MYO9A: variants seen among roughly 807,000 people sequenced by gnomAD.
MYO9A encodes myosin IXA, also known as unconventional myosin-IXa.
MYO9A carries 103 observed loss-of-function variants against 293.3 expected under a neutral mutation model. That is an observed-to-expected ratio of 0.35 (90% CI 0.30 to 0.41). MYO9A has a LOEUF of 0.41. Among genes scored for constraint, MYO9A ranks in the 10% least tolerant of loss-of-function variants. MYO9A has a pLI of 1.00. For synonymous variants in MYO9A, 1,001 were observed against 1,035.7 expected, an observed-to-expected ratio of 0.97 and a Z score of 0.64; for missense variants, 2,685 against 3,033.0, an observed-to-expected ratio of 0.89 and a Z score of 2.69.
At chr15:72,089,092 A>C (rs577254449) in intron 1 of MYO9A, among the ~76,000 whole-genome samples, 1 of 152,352 alleles carries the variant, frequency 6.6e-6, no homozygotes, top group East Asian at 1.9e-4. Flanking sequence ...CTAAGTTAAC[A>C]CTTCAAAATA....
At chr15:72,014,770 GAGAAAGAAAGAAA>G (rs1566950429) in intron 6 of MYO9A, among the ~76,000 whole-genome samples, 1 of 146,742 alleles carries the variant, frequency 6.8e-6, no homozygotes, top group African/African-American at 2.5e-5. Context: ...AAGAAAGAAA[GAGAAAGAAAGAAA>G]AGAAAGAAGG....
chr15:71,925,680 C>A (rs967565835), intron 18 of MYO9A, among the ~76,000 whole-genome samples: 2 of 152,140 alleles, frequency 1.3e-5, no homozygotes, highest in Non-Finnish European at 2.9e-5. Flanking sequence ...CCCATCCCCC[C>A]ACAATTTATA....
chr15:71,917,040 C>T (rs2058030296), intron 18 of MYO9A, among the ~76,000 whole-genome samples: 1 of 152,216 alleles, frequency 6.6e-6, no homozygotes, highest in Admixed American at 6.5e-5. Flanking sequence ...CTGACAGCTT[C>T]CTGATTTCCT....
At chr15:72,085,324 C>T (rs1461265676) in intron 1 of MYO9A, among the ~76,000 whole-genome samples, 1 of 150,446 alleles carries the variant, frequency 6.6e-6, no homozygotes, top group Non-Finnish European at 1.5e-5. Context: ...ACCCAGGAGG[C>T]AAATGTTGCA....
chr15:72,018,946 G>A, intron 6 of MYO9A, 93 bp downstream of exon 6: 1 of 941,632 alleles, frequency 1.1e-6, no homozygotes, highest in Non-Finnish European at 1.7e-6. Context: ...TTGTATTTCA[G>A]CTGATTTGCA....
At chr15:71,932,744 A>G (rs2058512559) in intron 18 of MYO9A, among the ~76,000 whole-genome samples, 1 of 152,096 alleles carries the variant, frequency 6.6e-6, no homozygotes, top group Admixed American at 6.6e-5. Flanking sequence ...ACTGCAATTC[A>G]TATTTTCTAA....
At chr15:71,900,197 G>A (rs893821574) in intron 23 of MYO9A, among the ~76,000 whole-genome samples, 191 bp from the exon 24 acceptor site, 1 of 152,166 alleles carries the variant, frequency 6.6e-6, no homozygotes, top group Non-Finnish European at 1.5e-5. Context: ...CACTTTTGGA[G>A]GCTAAGGCAG....
At chr15:72,037,621 G>A (rs2078096001) in intron 2 of MYO9A, among the ~76,000 whole-genome samples, 1 of 152,052 alleles carries the variant, frequency 6.6e-6, no homozygotes, top group Non-Finnish European at 1.5e-5. Flanking sequence ...CTATAACTGA[G>A]TACAGTTTTT....
intron 39 of MYO9A, among the ~76,000 whole-genome samples, chr15:71,838,219 T>C (rs979896863): frequency 6.6e-6 from 1 of 152,140 alleles, no homozygotes; most frequent in Non-Finnish European, 1.5e-5. Context: ...CTTCTCTTTA[T>C]TAAGGAAAAT....
At chr15:71,958,164 C>T (rs998503055) in intron 14 of MYO9A, among the ~76,000 whole-genome samples, 3 of 152,154 alleles carry the variant, frequency 2.0e-5, no homozygotes, top group Non-Finnish European at 4.4e-5. Context: ...TAGAATTGGT[C>T]ACCTCACCTT....
intron 11 of MYO9A, among the ~76,000 whole-genome samples, chr15:71,990,367 G>A (rs938802961): frequency 1.3e-5 from 2 of 152,014 alleles, no homozygotes; most frequent in African/African-American, 4.8e-5. Flanking sequence ...TTGTCAGCTT[G>A]AGCCACCATG....
chr15:72,103,238 AAGCAGC>A lies in MYO9A; in HGVS notation c.-72+14436_-72+14441del, dbSNP rs1490563659. ...GCAGCAGAAGCAGAAGCAGCAGCAG[AAGCAGC>A]AGCAGCAGAAGGAGAAGCAGAGGCA... On this transcript the variant is annotated intron_variant, in intron 1 of 41. Transcript: ENST00000356056. Among the ~76,000 whole-genome samples, 4 of 150,518 alleles carry A rather than the reference AAGCAGC, an allele frequency of 2.7e-5. No individual in the cohort carries two copies. The East Asian group carries it at 7.9e-4, about 30-fold the overall frequency.
intron 13 of MYO9A, among the ~76,000 whole-genome samples, chr15:71,961,383 TG>T (rs1353153147): frequency 2.0e-5 from 3 of 152,148 alleles, no homozygotes; most frequent in African/African-American, 7.2e-5. Flanking sequence ...GGATAAGAAA[TG>T]AAGACCAAGA....
At chr15:72,106,907 T>C (rs1275273023) in intron 1 of MYO9A, among the ~76,000 whole-genome samples, 1 of 152,246 alleles carries the variant, frequency 6.6e-6, no homozygotes, top group Non-Finnish European at 1.5e-5. Flanking sequence ...ATAGGTACAT[T>C]CTTAGTAGGA....
chr15:71,909,143 T>C (rs1269145934), intron 19 of MYO9A, among the ~76,000 whole-genome samples: 1 of 152,206 alleles, frequency 6.6e-6, no homozygotes, highest in South Asian at 2.1e-4. Context: ...CCATAGTTTA[T>C]CCATTCACCT....
At chr15:72,068,780 T>C (rs2079095686) in intron 1 of MYO9A, among the ~76,000 whole-genome samples, 1 of 152,042 alleles carries the variant, frequency 6.6e-6, no homozygotes, top group African/African-American at 2.4e-5. Context: ...CCCAGCCATA[T>C]CCCAATTTCT....
At chr15:72,070,754 C>A (rs768187522) in intron 1 of MYO9A, among the ~76,000 whole-genome samples, 1 of 152,098 alleles carries the variant, frequency 6.6e-6, no homozygotes, top group Non-Finnish European at 1.5e-5. Flanking sequence ...AAGCCACATA[C>A]CTACAACCAA....
intron 1 of MYO9A, among the ~76,000 whole-genome samples, chr15:72,074,084 T>C (rs1017371982): frequency 7.9e-5 from 12 of 151,924 alleles, no homozygotes; most frequent in African/African-American, 2.7e-4. Flanking sequence ...CCTTTACACA[T>C]AAAAAATGAA....
intron 27 of MYO9A, among the ~76,000 whole-genome samples, chr15:71,884,170 G>A (rs1306192608): frequency 1.3e-5 from 2 of 151,968 alleles, no homozygotes; most frequent in East Asian, 1.9e-4. Flanking sequence ...AAGAAATCAC[G>A]AATAATCCTA....
Sources: allele counts gnomAD v4.1 joint callset (sites outside exome capture counted in the v4.1 genomes callset), GRCh38; gene constraint gnomAD v4.1.1; transcripts MANE v1.5; gene names NCBI Gene and HGNC (gene_info 2026-07-23, HGNC 2026-07-21).